CFAP61: variants seen among roughly 807,000 people sequenced by gnomAD.
The protein encoded by CFAP61 is cilia- and flagella-associated protein 61.
CFAP61 carries 107 observed loss-of-function variants against 135.6 expected under a neutral mutation model. The ratio of observed to expected loss-of-function variants is 0.79; its 90% confidence interval spans 0.67 to 0.93. The LOEUF (loss-of-function observed/expected upper bound fraction) is 0.93, where lower values mean the gene tolerates loss of function less well. Among genes scored for constraint, CFAP61 ranks in the 40% least tolerant of loss-of-function variants. The pLI is 0.00. For missense variants in CFAP61, 1,507 were observed against 1,556.2 expected, an observed-to-expected ratio of 0.97 and a Z score of 0.53; for synonymous variants, 575 against 578.5, an observed-to-expected ratio of 0.99 and a Z score of 0.09.
chr20:20,205,932 T>G (rs1240590149), intron 17 of CFAP61, among the ~76,000 whole-genome samples: 1 of 151,804 alleles, frequency 6.6e-6, no homozygotes, highest in African/African-American at 2.4e-5. Context: ...AGTTCCATGT[T>G]GGATGTGGTT....
At chr20:20,264,857 A>G (rs1314800061) in intron 21 of CFAP61, among the ~76,000 whole-genome samples, 1 of 152,144 alleles carries the variant, frequency 6.6e-6, no homozygotes, top group Non-Finnish European at 1.5e-5. Context: ...ATGCCACTGC[A>G]CTCCAGCCTG....
Position 20,207,232 on chromosome 20 carries a change from GT to G in CFAP61, c.1932+7337del, listed in dbSNP as rs1303935050. Among the ~76,000 whole-genome samples, 10 of 152,086 alleles carry G rather than the reference GT, an allele frequency of 6.6e-5. No individual in the cohort carries two copies. In the East Asian group the frequency reaches 1.3e-3, roughly 20 times the overall value. The stretch of plus-strand genomic sequence containing the variant: ...GCAGGAGGAAAATGGGGGACTTTCT[GT>G]TTTTTTAAAGCCACCAGCAGGTTCT... On this transcript the variant is annotated intron_variant, in intron 17 of 26. Coordinates refer to ENST00000245957, the MANE Select transcript of CFAP61 (RefSeq NM_015585.4).
At position 20,063,061 on chromosome 20, in the gene CFAP61, T is replaced by C. The variant is rs548022970; in HGVS notation, c.143+6265T>C. On this transcript the variant is annotated intron_variant, in intron 2 of 26. Coordinates refer to ENST00000245957, the MANE Select transcript of CFAP61 (RefSeq NM_015585.4). The stretch of plus-strand genomic sequence containing the variant: ...AGTTTCTTAAAATCAACTTAAGAAA[T>C]GATAGAAACCCATTAAATTGAATCG... 3.6e-4 allele frequency among the ~76,000 whole-genome samples: 55 copies of C among 152,232 alleles called. No homozygotes were observed. The South Asian group carries it at 0.011, about 31-fold the overall frequency.
intron 17 of CFAP61, among the ~76,000 whole-genome samples, chr20:20,213,693 G>A (rs1406049793): frequency 6.6e-6 from 1 of 151,932 alleles, no homozygotes; most frequent in African/African-American, 2.4e-5. Flanking sequence ...TCACCATCTG[G>A]GTGCATTCTG....
chr20:20,326,358 AAAG>A (rs2057748129), intron 25 of CFAP61, among the ~76,000 whole-genome samples: 1 of 152,302 alleles, frequency 6.6e-6, no homozygotes, highest in South Asian at 2.1e-4. Context: ...CGTCTCTAAC[AAAG>A]AAGAATAACA....
At chr20:20,173,804 TTGAA>T (rs1296306622) in intron 13 of CFAP61, among the ~76,000 whole-genome samples, 1 of 152,182 alleles carries the variant, frequency 6.6e-6, no homozygotes, top group Non-Finnish European at 1.5e-5. Flanking sequence ...ATAAATACAA[TTGAA>T]TAAAGACACT....
intron 25 of CFAP61, among the ~76,000 whole-genome samples, chr20:20,315,207 T>A (rs2057058768): frequency 6.6e-6 from 1 of 152,054 alleles, no homozygotes; most frequent in South Asian, 2.1e-4. Flanking sequence ...TGTTATTTCC[T>A]GACTTTTTAA....
intron 8 of CFAP61, among the ~76,000 whole-genome samples, chr20:20,122,078 G>A (rs1421995747): frequency 6.6e-6 from 1 of 151,846 alleles, no homozygotes; most frequent in African/African-American, 2.4e-5. Flanking sequence ...TACTCTATTT[G>A]TAGTCTTTTA....
intron 21 of CFAP61, among the ~76,000 whole-genome samples, chr20:20,272,745 G>A (rs966398653): frequency 6.6e-6 from 1 of 152,188 alleles, no homozygotes; most frequent in Non-Finnish European, 1.5e-5. Flanking sequence ...GATTCAGGAA[G>A]ATCTGTTTCT....
At chr20:20,356,282 T>G (rs1459652995) in intron 26 of CFAP61, among the ~76,000 whole-genome samples, 2 of 93,840 alleles carry the variant, frequency 2.1e-5, no homozygotes, top group African/African-American at 4.4e-5. Flanking sequence ...CTGTGAAGGG[T>G]GGTAGTCACA....
intron 8 of CFAP61, among the ~76,000 whole-genome samples, chr20:20,135,511 G>GT (rs2050854139): frequency 1.3e-5 from 2 of 152,024 alleles, no homozygotes; most frequent in Admixed American, 6.5e-5. Context: ...TTTGCTTTTT[G>GT]TTTTTTTGTG....
At chr20:20,156,256 A>G (rs1219414590) in intron 9 of CFAP61, among the ~76,000 whole-genome samples, 2 of 152,196 alleles carry the variant, frequency 1.3e-5, no homozygotes, top group African/African-American at 2.4e-5. Flanking sequence ...GTTTGGTTTA[A>G]CATAAGAAAA....
intron 22 of CFAP61, among the ~76,000 whole-genome samples, chr20:20,279,210 C>T (rs1034935523): frequency 1.3e-5 from 2 of 152,042 alleles, no homozygotes; most frequent in Admixed American, 6.6e-5. Flanking sequence ...CTGACAAAAA[C>T]ATCTGGCAAA....
chr20:20,311,558 G>A (rs956404794), intron 25 of CFAP61, among the ~76,000 whole-genome samples: 12 of 152,186 alleles, frequency 7.9e-5, no homozygotes, highest in African/African-American at 2.4e-4. Context: ...GTCCTGAGTG[G>A]AGGAGAGGGA....
intron 17 of CFAP61, among the ~76,000 whole-genome samples, chr20:20,213,033 C>A (rs1179152297): frequency 6.6e-6 from 1 of 152,140 alleles, no homozygotes; most frequent in Non-Finnish European, 1.5e-5. Context: ...AGGTACAACT[C>A]CTCTGATCAG....
intron 8 of CFAP61, among the ~76,000 whole-genome samples, chr20:20,119,004 T>C (rs2146689014): frequency 6.6e-6 from 1 of 152,250 alleles, no homozygotes; most frequent in East Asian, 1.9e-4. Flanking sequence ...CTTTAATGTG[T>C]TATGGAATTT....
chr20:20,290,397 T>C lies in CFAP61; in HGVS notation c.3216+6T>C. On this transcript the variant is annotated splice_donor_region_variant and intron_variant, in intron 24 of 26. Transcript: ENST00000245957. ...AAATGGCACAGCCTAATTATGTAAG[T>C]ATTATTTCTGAATTTCATTTTACTT... 6.4e-7 allele frequency: 1 copy of C among 1,560,212 alleles called. No individual in the cohort carries two copies. The highest frequency in any genetic ancestry group is 8.8e-7 in the Non-Finnish European group (1 of 1,131,952).
intron 25 of CFAP61, among the ~76,000 whole-genome samples, chr20:20,315,873 C>T (rs1269887914): frequency 1.3e-5 from 2 of 152,128 alleles, no homozygotes; most frequent in Admixed American, 1.3e-4. Context: ...TTTCTGAGGG[C>T]TCTGTTCTGT....
intron 19 of CFAP61, 43 bp from the exon 20 acceptor site, chr20:20,251,552 G>C: frequency 6.2e-7 from 1 of 1,600,354 alleles, no homozygotes; most frequent in Non-Finnish European, 8.5e-7. Context: ...AATGCCCGCT[G>C]TCAGCTGCTC....
Sources: allele counts gnomAD v4.1 joint callset (sites outside exome capture counted in the v4.1 genomes callset), GRCh38; gene constraint gnomAD v4.1.1; transcripts MANE v1.5; gene names NCBI Gene and HGNC (gene_info 2026-07-23, HGNC 2026-07-21).